Variants in FOXK1 observed in about 807,000 individuals in gnomAD.
The protein encoded by FOXK1 is forkhead box K1.
Under a neutral mutation model 51.9 loss-of-function variants are expected in FOXK1, and 19 were observed. The observed-to-expected ratio is 0.37, with a 90% CI of 0.26 to 0.54. FOXK1 has a LOEUF of 0.54. Ranked by LOEUF, FOXK1 falls within the 20% of genes least tolerant of loss-of-function variation. The pLI is 0.87. For missense variants in FOXK1, 870 were observed against 1,032.7 expected (o/e 0.84, Z 2.16); for synonymous variants, 537 against 482.6 (o/e 1.11, Z -1.48).
intron 1 of FOXK1, among the ~76,000 whole-genome samples, chr7:4,740,484 G>A (rs182388153): frequency 1.6e-3 from 239 of 151,456 alleles, no homozygotes; most frequent in African/African-American, 5.3e-3. Context: ...GGTGGTGGGC[G>A]CTCGTAATCC....
rs1012192143 is a variant in FOXK1 at position 4,735,633 on chromosome 7, G to A, written c.561-5205G>A. On this transcript the variant is annotated intron_variant, in intron 1 of 8. Coordinates refer to ENST00000328914, the MANE Select transcript of FOXK1 (RefSeq NM_001037165.2). This position sits in a 1 kb window ranked among gnomAD's most constrained non-coding sequence, Gnocchi z 4.7. The stretch of plus-strand genomic sequence containing the variant: ...CACTTGCTCGTACAGGAACCTTTCC[G>A]CCGGGCTGGTGGACGGAGATTTCTA... Among the ~76,000 whole-genome samples the A allele has an allele frequency of 5.9e-5, 9 of 152,120 alleles. No homozygotes were observed. Among genetic ancestry groups the A allele is most frequent in the East Asian group, 1.9e-4 (1 of 5,188 alleles).
Position 4,770,870 on chromosome 7 carries a change from TG to T in FOXK1, c.*8407del, listed in dbSNP as rs1781089594. On this transcript the variant is annotated 3_prime_UTR_variant, in exon 9 of 9. Transcript: ENST00000328914. The stretch of plus-strand genomic sequence containing the variant: ...GGAGGGGCGGGTGTTGTTCGGTGTG[TG>T]TGTGTGTGTGTGTGTGTGTGTGTGT... 1.4e-5 allele frequency: 2 copies of T among 139,658 alleles called. No individual in the cohort carries two copies. The highest frequency in any genetic ancestry group is 3.0e-5 in the Non-Finnish European group (2 of 65,872). The allele number at this position is 139,658 out of a possible 1,614,324, so 8.7% of individuals were successfully genotyped here.
Position 4,769,345 on chromosome 7 carries a change from C to T in FOXK1, c.*6881C>T, listed in dbSNP as rs1781062587. 1 of 152,240 alleles carries T rather than the reference C, an allele frequency of 6.6e-6. No homozygotes were observed. Among genetic ancestry groups the T allele is most frequent in the Non-Finnish European group, 1.5e-5 (1 of 68,062 alleles). 9.4% of individuals were successfully genotyped at this position (152,240 alleles called of 1,614,324 possible). A position where few individuals can be genotyped will look rare whatever the true frequency, so the allele number is the denominator to read the frequency against. On this transcript the variant is annotated 3_prime_UTR_variant, in exon 9 of 9. Coordinates refer to ENST00000328914, the MANE Select transcript of FOXK1 (RefSeq NM_001037165.2). This position sits in a 1 kb window ranked among gnomAD's most constrained non-coding sequence, Gnocchi z 4.1. Reference sequence around the variant, plus strand: ...CCCGCCCCCATCCCGCTTCAGGCCCCAGTGACCCAGTTGCGTCTTAAGTTC... The same window carrying T: ...CCCGCCCCCATCCCGCTTCAGGCCCTAGTGACCCAGTTGCGTCTTAAGTTC...
At chr7:4,710,984 C>G (rs990717456) in intron 1 of FOXK1, among the ~76,000 whole-genome samples, 11 of 152,222 alleles carry the variant, frequency 7.2e-5, no homozygotes, top group African/African-American at 2.4e-4. Flanking sequence ...CCACTGGGTT[C>G]TGGGAAGCCC....
chr7:4,686,544 C>T (rs930548732), intron 1 of FOXK1, among the ~76,000 whole-genome samples: 1 of 152,038 alleles, frequency 6.6e-6, no homozygotes, highest in African/African-American at 2.4e-5. Flanking sequence ...GGGGAGTGTG[C>T]GTGGGTTCTG....
chr7:4,708,472 C>T (rs1780133605), intron 1 of FOXK1, among the ~76,000 whole-genome samples: 1 of 152,208 alleles, frequency 6.6e-6, no homozygotes. Flanking sequence ...TAAACTCTAA[C>T]TTGACCTTCA....
At position 4,729,183 on chromosome 7, in the gene FOXK1, G is replaced by A. The variant is rs193298401; in HGVS notation, c.561-11655G>A. 3.0e-3 allele frequency among the ~76,000 whole-genome samples: 453 copies of A among 152,282 alleles called. 3 individuals are homozygous for A. The highest frequency in any genetic ancestry group is 0.01 in the African/African-American group (435 of 41,562). On this transcript the variant is annotated intron_variant, in intron 1 of 8. Transcript: ENST00000328914. This position sits in a 1 kb window ranked among gnomAD's most constrained non-coding sequence, Gnocchi z 6.2. ...TAAGCCACACAGCATGGTGGGGAGCGGAGGTGATTTCGGAGCCTACTCTCC... is the reference window on the plus strand; with the variant it reads ...TAAGCCACACAGCATGGTGGGGAGCAGAGGTGATTTCGGAGCCTACTCTCC...
At chr7:4,719,702 G>A (rs1475806825) in intron 1 of FOXK1, among the ~76,000 whole-genome samples, 6 of 150,936 alleles carry the variant, frequency 4.0e-5, no homozygotes, top group Non-Finnish European at 8.9e-5. Flanking sequence ...GGCTGGTCTC[G>A]AACTCCTGAC....
chr7:4,701,644 G>C (rs1780022389), intron 1 of FOXK1, among the ~76,000 whole-genome samples: 4 of 152,200 alleles, frequency 2.6e-5, no homozygotes, highest in Admixed American at 2.6e-4. Context: ...TGTAATCCCA[G>C]CACTTTGGGA....
In FOXK1 at chr7:4,733,438, C is replaced by T. The variant is rs181532476; in HGVS notation, c.561-7400C>T. Among the ~76,000 whole-genome samples the T allele has an allele frequency of 1.2e-4, 18 of 152,316 alleles. No homozygotes were observed. The highest frequency in any genetic ancestry group is 3.6e-4 in the African/African-American group (15 of 41,574). On this transcript the variant is annotated intron_variant, in intron 1 of 8. Coordinates refer to ENST00000328914, the MANE Select transcript of FOXK1 (RefSeq NM_001037165.2). The surrounding 1 kb of genome is among the most constrained non-coding windows in gnomAD (Gnocchi z 5.0). Reference sequence around the variant, plus strand: ...GCCTTTATGGTCCACTGTGGCTGCTCGGCTCCTGCCATCACAGCAGTATCT... The same window carrying T: ...GCCTTTATGGTCCACTGTGGCTGCTTGGCTCCTGCCATCACAGCAGTATCT...
Position 4,745,195 on chromosome 7 carries a change from C to T in FOXK1, c.746+4172C>T, listed in dbSNP as rs1268301965. 6.6e-6 allele frequency among the ~76,000 whole-genome samples: 1 copy of T among 152,208 alleles called. No homozygotes were observed. The highest frequency in any genetic ancestry group is 1.5e-5 in the Non-Finnish European group (1 of 68,042). On this transcript the variant is annotated intron_variant, in intron 2 of 8. Transcript: ENST00000328914. This position sits in a 1 kb window ranked among gnomAD's most constrained non-coding sequence, Gnocchi z 4.3. ...AGGCTGTCCCCTCCCAGTGCCGCCC[C>T]GCCCCCGCGGTGCCTGCCTTCCTAA...
chr7:4,691,682 A>G (rs1462528934), intron 1 of FOXK1, among the ~76,000 whole-genome samples: 1 of 152,132 alleles, frequency 6.6e-6, no homozygotes, highest in African/African-American at 2.4e-5. Context: ...GTCTGCCCTC[A>G]GTACTGCATT....
rs1780863025 is a variant in FOXK1, at chr7:4,757,126, C to T, written c.1183C>T (p.Arg395Trp). 6 of 1,613,390 alleles carry T rather than the reference C, an allele frequency of 3.7e-6. No individual in the cohort carries two copies. Among genetic ancestry groups the T allele is most frequent in the Non-Finnish European group, 4.2e-6 (5 of 1,179,922 alleles). ...SEAKLVEQAF[R>W]KRRQRGVSCF... ...AGCCAAGCTCGTGGAACAGGCATTC[C>T]GGAAACGGAGGCAGAGGGGTGTCTC... The change falls in exon 5 of 9, where the codon CGG becomes TGG. Residue 395 changes from arginine to tryptophan, a missense_variant. Coordinates refer to ENST00000328914, the MANE Select transcript of FOXK1 (RefSeq NM_001037165.2).
In FOXK1 at chr7:4,764,114, G is replaced by A. The variant is rs1583215267; in HGVS notation, c.*1650G>A. On this transcript the variant is annotated 3_prime_UTR_variant, in exon 9 of 9. Transcript: ENST00000328914. ...AGGTGTCTCCCTGAAGAAGAAGGGA[G>A]AACACTTTTCAAAGTGATTCCGAGG... 6.6e-6 allele frequency: 1 copy of A among 152,548 alleles called. No homozygotes were observed. The allele number at this position is 152,548 out of a possible 1,614,324, so 9.4% of individuals were successfully genotyped here. A position where few individuals can be genotyped will look rare whatever the true frequency, so the allele number is the denominator to read the frequency against.
Position 4,740,932 on chromosome 7 carries a change from T to C in FOXK1, c.655T>C (p.Tyr219His), listed in dbSNP as rs1171528131. ...EAPASPLRPL[Y>H]PQISPLKIHI... Reference sequence around the variant, plus strand: ...CCCAGCCTCCCCGCTGCGGCCACTGTACCCCCAGATCTCCCCTCTGAAGAT... The same window carrying C: ...CCCAGCCTCCCCGCTGCGGCCACTGCACCCCCAGATCTCCCCTCTGAAGAT... Residue 219 changes from tyrosine (Y) to histidine (H), a missense_variant, in exon 2 of 9, where the codon TAC (tyrosine) becomes CAC (histidine). This residue lies in a region of FOXK1 where 399 missense variants were observed against 475.6 expected (regional missense o/e 0.84). Transcript: ENST00000328914. 9 of 1,585,706 alleles carry C rather than the reference T, an allele frequency of 5.7e-6. No homozygotes were observed. Among genetic ancestry groups the C allele is most frequent in the Non-Finnish European group, 7.7e-6 (9 of 1,168,010 alleles).
chr7:4,742,175 A>C (rs1449478486), intron 2 of FOXK1, among the ~76,000 whole-genome samples: 3 of 152,218 alleles, frequency 2.0e-5, no homozygotes, highest in Non-Finnish European at 2.9e-5. Context: ...AAAGCAGATC[A>C]CATCTTAGGG....
chr7:4,740,005 C>A (rs1159498624), intron 1 of FOXK1, among the ~76,000 whole-genome samples: 1 of 152,212 alleles, frequency 6.6e-6, no homozygotes, highest in Non-Finnish European at 1.5e-5. Context: ...AGTAGAAAGA[C>A]AACTGACGGC....
In FOXK1 at chr7:4,730,583, CT is replaced by C. The variant is rs1172716576; in HGVS notation, c.561-10253del. ...CTTGCCGACCCAGCCCCCGCCCCGC[CT>C]TCAAGTTTGTGCCTTATTTTCCAAA... On this transcript the variant is annotated intron_variant, in intron 1 of 8. Coordinates refer to ENST00000328914, the MANE Select transcript of FOXK1 (RefSeq NM_001037165.2). This position sits in a 1 kb window ranked among gnomAD's most constrained non-coding sequence, Gnocchi z 4.7. Among the ~76,000 whole-genome samples, 1 of 152,164 alleles carries C rather than the reference CT, an allele frequency of 6.6e-6. No individual in the cohort carries two copies. The highest frequency in any genetic ancestry group is 1.9e-4 in the East Asian group (1 of 5,188).
chr7:4,715,032 G>C lies in FOXK1; in HGVS notation c.561-25806G>C, dbSNP rs1270209252. Among the ~76,000 whole-genome samples the C allele has an allele frequency of 1.3e-5, 2 of 152,168 alleles. No homozygotes were observed. The highest frequency in any genetic ancestry group is 2.9e-5 in the Non-Finnish European group (2 of 68,044). ...AAGCCACACACCAGCGACAATCAGA[G>C]GTTACATAGGCTTGGGGCGTAGCTT... On this transcript the variant is annotated intron_variant, in intron 1 of 8. Transcript: ENST00000328914. This position sits in a 1 kb window ranked among gnomAD's most constrained non-coding sequence, Gnocchi z 4.5.
Sources: allele counts gnomAD v4.1 joint callset (sites outside exome capture counted in the v4.1 genomes callset), GRCh38; gene constraint gnomAD v4.1.1; regional missense constraint gnomAD v4.1.1; non-coding constraint Gnocchi (gnomAD v3.1); transcripts MANE v1.5; gene names NCBI Gene and HGNC (gene_info 2026-07-23, HGNC 2026-07-21).